The following NLGN1 variants were observed in gnomAD, a reference collection of about 807,000 sequenced individuals.
The protein encoded by NLGN1 is neuroligin 1, also known as neuroligin-1.
NLGN1 carries 12 observed loss-of-function variants against 65.5 expected under a neutral mutation model. That is an observed-to-expected ratio of 0.18 (90% confidence interval 0.12 to 0.30). The LOEUF (loss-of-function observed/expected upper bound fraction) is 0.30. Among genes scored for constraint, NLGN1 ranks in the 10% least tolerant of loss-of-function variants. The probability of loss-of-function intolerance (pLI) is 1.00; values close to 1 mark genes in which losing one functional copy is unlikely to be tolerated. For missense variants in NLGN1, 750 were observed against 1,007.1 expected (o/e 0.74, Z 3.46); for synonymous variants, 350 against 359.5 (o/e 0.97, Z 0.30).
chr3:174,036,869 T>C (rs1396204289), intron 4 of NLGN1, among the ~76,000 whole-genome samples: 11 of 152,162 alleles, frequency 7.2e-5, no homozygotes, highest in Admixed American at 6.5e-4. Context: ...TTTCTGTTCC[T>C]GTGTTAGTTT....
intron 3 of NLGN1, among the ~76,000 whole-genome samples, chr3:173,631,602 A>G (rs1399168526): frequency 6.6e-6 from 1 of 152,198 alleles, no homozygotes; most frequent in Non-Finnish European, 1.5e-5. Context: ...TTTTTAAAGT[A>G]TAACATCATT....
chr3:173,578,474 G>A, intron 2 of NLGN1, among the ~76,000 whole-genome samples: 1 of 152,018 alleles, frequency 6.6e-6, no homozygotes, highest in Non-Finnish European at 1.5e-5. Flanking sequence ...ATACCACTGG[G>A]ATATAACTAA....
chr3:173,585,816 A>T (rs188183017), intron 2 of NLGN1, among the ~76,000 whole-genome samples: 19 of 151,944 alleles, frequency 1.3e-4, no homozygotes, highest in African/African-American at 4.6e-4. Context: ...GTTCCCAGAC[A>T]TTTTCTTGCA....
At chr3:174,237,536 T>C (rs1741948179) in intron 4 of NLGN1, among the ~76,000 whole-genome samples, 2 of 152,172 alleles carry the variant, frequency 1.3e-5, no homozygotes, top group Admixed American at 6.5e-5. Flanking sequence ...TGTTTTTATA[T>C]GTAAATAAAT....
At chr3:174,169,814 A>G (rs1439924313) in intron 4 of NLGN1, among the ~76,000 whole-genome samples, 1 of 152,080 alleles carries the variant, frequency 6.6e-6, no homozygotes, top group African/African-American at 2.4e-5. Flanking sequence ...AATGGGGGAG[A>G]GCACAATTCC....
At chr3:173,515,600 A>G (rs1038823045) in intron 2 of NLGN1, among the ~76,000 whole-genome samples, 2 of 152,104 alleles carry the variant, frequency 1.3e-5, no homozygotes, top group Admixed American at 1.3e-4. Flanking sequence ...TGTTTCTTCT[A>G]ATAGTTTCAT....
intron 2 of NLGN1, among the ~76,000 whole-genome samples, chr3:173,601,935 T>C (rs1162353757): frequency 6.6e-6 from 1 of 152,060 alleles, no homozygotes; most frequent in East Asian, 1.9e-4. Context: ...TAAAATACTT[T>C]TACAGTTCAA....
At chr3:173,793,036 G>T (rs577537332) in intron 3 of NLGN1, among the ~76,000 whole-genome samples, 2 of 152,196 alleles carry the variant, frequency 1.3e-5, no homozygotes, top group Admixed American at 1.3e-4. Flanking sequence ...TAGAGTGCTT[G>T]CAATTTTAGT....
intron 4 of NLGN1, among the ~76,000 whole-genome samples, chr3:173,835,295 G>T (rs1353455981): frequency 6.6e-6 from 1 of 152,010 alleles, no homozygotes; most frequent in Non-Finnish European, 1.5e-5. Flanking sequence ...TAATAATTAT[G>T]CATTGATAGT....
At chr3:173,538,822 C>T (rs557407993) in intron 2 of NLGN1, among the ~76,000 whole-genome samples, 6 of 151,938 alleles carry the variant, frequency 3.9e-5, no homozygotes, top group African/African-American at 7.2e-5. Flanking sequence ...AAATATTCCT[C>T]TGCTAGGGTC....
intron 4 of NLGN1, among the ~76,000 whole-genome samples, chr3:174,131,314 A>G (rs573105840): frequency 1.3e-5 from 2 of 152,280 alleles, no homozygotes; most frequent in South Asian, 4.1e-4. Flanking sequence ...TGTCCATAAC[A>G]TTGTCCAAAA....
At position 174,209,623 on chromosome 3, in the gene NLGN1, C is replaced by CTTTTTTTTTTTTTTT. The variant is rs796169913; in HGVS notation, c.647-65680_647-65666dup. On this transcript the variant is annotated intron_variant, in intron 4 of 6. Transcript: ENST00000457714. ...CCCTGGTGTCTATCAACCTTTCTTTCTTTTTTTTTTTTTTTTTTTTTTTTT... is the reference window on the plus strand; with the variant it reads ...CCCTGGTGTCTATCAACCTTTCTTTCTTTTTTTTTTTTTTTTTTTTTTTTTTTTTTTTTTTTTTTT... 7.3e-5 allele frequency among the ~76,000 whole-genome samples: 6 copies of CTTTTTTTTTTTTTTT among 82,088 alleles called. 1 individual carries two copies. The highest frequency in any genetic ancestry group is 1.9e-4 in the African/African-American group (4 of 20,610). The allele number at this position is 82,088 out of a possible 152,430, so 53.9% of individuals were successfully genotyped here. A position where few individuals can be genotyped will look rare whatever the true frequency, so the allele number is the denominator to read the frequency against.
At chr3:174,097,222 A>G (rs373641306) in intron 4 of NLGN1, among the ~76,000 whole-genome samples, 18 of 152,332 alleles carry the variant, frequency 1.2e-4, no homozygotes, top group African/African-American at 4.1e-4. Flanking sequence ...TCAAAGATGT[A>G]ATGATTTCAT....
At chr3:173,512,015 A>G (rs73043552) in intron 2 of NLGN1, among the ~76,000 whole-genome samples, 7,736 of 152,202 alleles carry the variant, frequency 0.051, 610 homozygotes, top group African/African-American at 0.18. Flanking sequence ...GAAGCATGCA[A>G]ACAAACAAGG....
At chr3:173,843,484 A>G (rs1194456243) in intron 4 of NLGN1, among the ~76,000 whole-genome samples, 1 of 152,160 alleles carries the variant, frequency 6.6e-6, no homozygotes, top group South Asian at 2.1e-4. Flanking sequence ...AATGCCTTTA[A>G]TAGCACCTAA....
At chr3:174,039,129 A>C (rs922880425) in intron 4 of NLGN1, among the ~76,000 whole-genome samples, 1 of 152,154 alleles carries the variant, frequency 6.6e-6, no homozygotes, top group African/African-American at 2.4e-5. Context: ...ATGAGAAAAC[A>C]AGAGAGACTC....
chr3:173,641,611 C>G (rs1757433951), intron 3 of NLGN1, among the ~76,000 whole-genome samples: 1 of 152,140 alleles, frequency 6.6e-6, no homozygotes, highest in African/African-American at 2.4e-5. Context: ...TATTTCTTAC[C>G]TTGTCTCAAG....
intron 4 of NLGN1, among the ~76,000 whole-genome samples, chr3:174,198,072 T>C (rs574500680): frequency 6.6e-6 from 1 of 152,328 alleles, no homozygotes; most frequent in Admixed American, 6.5e-5. Context: ...TATGTTTATA[T>C]TATTAATCTC....
In NLGN1 at chr3:173,747,330, AT is replaced by A. The variant is rs1229424003; in HGVS notation, c.494-60346del. Among the ~76,000 whole-genome samples, 51 of 141,518 alleles carry A rather than the reference AT, an allele frequency of 3.6e-4. 1 individual carries two copies. Among genetic ancestry groups the A allele is most frequent in the African/African-American group, 1.0e-3 (40 of 38,426 alleles). The allele number at this position is 141,518 out of a possible 152,430, so 92.8% of individuals were successfully genotyped here. A position where few individuals can be genotyped will look rare whatever the true frequency, so the allele number is the denominator to read the frequency against. On this transcript the variant is annotated intron_variant, in intron 3 of 6. Transcript: ENST00000457714. ...TATATATTTATATATACTTATATAC[AT>A]TTTATAATATGTATTTTAATATATA... is the stretch of plus-strand genomic sequence containing the variant.
Sources: allele counts gnomAD v4.1 joint callset (sites outside exome capture counted in the v4.1 genomes callset), GRCh38; gene constraint gnomAD v4.1.1; transcripts MANE v1.5; gene names NCBI Gene and HGNC (gene_info 2026-07-23, HGNC 2026-07-21).